The following SPECC1 variants were observed in gnomAD, a reference collection of about 807,000 sequenced individuals.
SPECC1 encodes the protein sperm antigen with calponin homology and coiled-coil domains 1.
SPECC1 carries 62 observed loss-of-function variants against 104.1 expected under a neutral mutation model. The observed-to-expected ratio is 0.60, with a 90% CI of 0.49 to 0.74. The LOEUF (loss-of-function observed/expected upper bound fraction) is 0.74. Among genes scored for constraint, SPECC1 ranks in the 30% least tolerant of loss-of-function variants. The pLI, the probability that SPECC1 is intolerant of heterozygous loss-of-function variation, is 0.00. For synonymous variants in SPECC1, 513 were observed against 501.6 expected, an observed-to-expected ratio of 1.02 and a Z score of -0.30; for missense variants, 1,306 against 1,310.5, an observed-to-expected ratio of 1.00 and a Z score of 0.05.
intron 3 of SPECC1, among the ~76,000 whole-genome samples, chr17:20,147,385 T>TA (rs1451664481): frequency 3.3e-5 from 5 of 152,012 alleles, no homozygotes; most frequent in Non-Finnish European, 7.4e-5. Flanking sequence ...GATCATGATT[T>TA]AAAAAAAATA....
intron 1 of SPECC1, among the ~76,000 whole-genome samples, chr17:20,049,012 C>T (rs184931504): frequency 6.6e-6 from 1 of 152,202 alleles, no homozygotes; most frequent in African/African-American, 2.4e-5. Flanking sequence ...AGAAGATTAT[C>T]TTCTGCCCCT....
At chr17:20,305,298 T>C (rs1356757815) in intron 13 of SPECC1, among the ~76,000 whole-genome samples, 2 of 152,048 alleles carry the variant, frequency 1.3e-5, no homozygotes, top group East Asian at 3.9e-4. Flanking sequence ...AAAGGGTAAT[T>C]TACTCCTGAC....
At chr17:20,043,353 C>G (rs376000004) in intron 1 of SPECC1, among the ~76,000 whole-genome samples, 3 of 152,144 alleles carry the variant, frequency 2.0e-5, no homozygotes, top group African/African-American at 7.2e-5. Flanking sequence ...GCCTTTTACT[C>G]AGTGGTTTTA....
At chr17:20,066,646 A>C (rs1389872745) in intron 1 of SPECC1, among the ~76,000 whole-genome samples, 1 of 152,246 alleles carries the variant, frequency 6.6e-6, no homozygotes, top group African/African-American at 2.4e-5. Flanking sequence ...CGAATAAGAA[A>C]GCTTTCCTCA....
At chr17:20,296,934 G>T in intron 12 of SPECC1, 27 bp from the exon 13 acceptor site, 1 of 1,606,126 alleles carries the variant, frequency 6.2e-7, no homozygotes, top group Non-Finnish European at 8.5e-7. Flanking sequence ...AATAGTTCTT[G>T]TTTATTACTA....
rs1387736880 is a variant in SPECC1, at chr17:20,315,535, G to A, written c.*1470G>A. On this transcript the variant is annotated 3_prime_UTR_variant, in exon 15 of 15. Coordinates refer to ENST00000395527, the MANE Select transcript of SPECC1 (RefSeq NM_001243439.2). ...CTTGCTGTTTTAAGTGCCAAATAGC[G>A]TGTTAGCGCCCCTCCAACAAAGGAT... The A allele has an allele frequency of 1.7e-5, 4 of 232,752 alleles. No individual in the cohort carries two copies. Among genetic ancestry groups the A allele is most frequent in the Non-Finnish European group, 3.4e-5 (4 of 117,860 alleles). 14.4% of individuals were successfully genotyped at this position (232,752 alleles called of 1,614,324 possible). A position where few individuals can be genotyped will look rare whatever the true frequency, so the allele number is the denominator to read the frequency against.
intron 3 of SPECC1, among the ~76,000 whole-genome samples, chr17:20,181,314 T>C (rs1597900731): frequency 1.3e-5 from 2 of 151,542 alleles, no homozygotes; most frequent in Non-Finnish European, 2.9e-5. Flanking sequence ...ATGAATGAAA[T>C]AGAAAATAAA....
At chr17:20,301,977 G>C (rs1178194030) in intron 13 of SPECC1, among the ~76,000 whole-genome samples, 1 of 151,688 alleles carries the variant, frequency 6.6e-6, no homozygotes, top group African/African-American at 2.4e-5. Flanking sequence ...ATAGTTCTGG[G>C]ATTACAGTGG....
intron 12 of SPECC1, among the ~76,000 whole-genome samples, chr17:20,288,950 A>G (rs2041060486): frequency 6.6e-6 from 1 of 151,610 alleles, no homozygotes; most frequent in South Asian, 2.1e-4. Flanking sequence ...GTGCCCGGCT[A>G]ATTTTTGTAT....
intron 3 of SPECC1, among the ~76,000 whole-genome samples, chr17:20,193,775 A>G (rs2035824448): frequency 6.6e-6 from 1 of 152,244 alleles, no homozygotes; most frequent in Admixed American, 6.5e-5. Context: ...AAGACTTTCC[A>G]TGAACTGGGC....
chr17:20,269,860 C>T (rs2040341642), intron 12 of SPECC1, among the ~76,000 whole-genome samples: 1 of 152,176 alleles, frequency 6.6e-6, no homozygotes, highest in Admixed American at 6.5e-5. Context: ...ATAGCCGTGG[C>T]CATGACTCCA....
chr17:20,293,565 A>T (rs542557382), intron 12 of SPECC1, among the ~76,000 whole-genome samples: 2 of 152,340 alleles, frequency 1.3e-5, no homozygotes, highest in East Asian at 3.9e-4. Flanking sequence ...CACCCACCAC[A>T]GCTTTCCAAC....
At chr17:20,227,880 A>G (rs2526477) in intron 5 of SPECC1, among the ~76,000 whole-genome samples, 66,639 of 151,990 alleles carry the variant, frequency 0.44, 15,173 homozygotes, top group East Asian at 0.8. Context: ...GCGCCACTGC[A>G]AAAGAAAGCA....
At chr17:20,101,176 T>C (rs1262553799) in intron 2 of SPECC1, among the ~76,000 whole-genome samples, 2 of 152,242 alleles carry the variant, frequency 1.3e-5, no homozygotes, top group African/African-American at 4.8e-5. Flanking sequence ...GTTGGGTATA[T>C]ACCCAATAAT....
In SPECC1 at chr17:20,114,314, C is replaced by G. The variant is rs2048644194; in HGVS notation, c.283+3752C>G. Among the ~76,000 whole-genome samples, 3 of 152,100 alleles carry G rather than the reference C, an allele frequency of 2.0e-5. No individual in the cohort carries two copies. The South Asian group carries it at 6.2e-4, about 32-fold the overall frequency. ...TCAAGCGATTCTCCTGCCTCAGCCT[C>G]TCGAGTAGCTGGGACTACAGGTGCA... On this transcript the variant is annotated intron_variant, in intron 3 of 14. Transcript: ENST00000395527.
chr17:20,126,765 T>C (rs1455424668), intron 3 of SPECC1, among the ~76,000 whole-genome samples: 1 of 152,252 alleles, frequency 6.6e-6, no homozygotes, highest in East Asian at 1.9e-4. Flanking sequence ...TGGGTGATTT[T>C]GGTGTTTTCT....
chr17:20,269,316 T>G (rs2040321006), intron 12 of SPECC1, among the ~76,000 whole-genome samples: 1 of 152,224 alleles, frequency 6.6e-6, no homozygotes, highest in Non-Finnish European at 1.5e-5. Context: ...AAACTGTTTG[T>G]GCAAACACAT....
intron 14 of SPECC1, among the ~76,000 whole-genome samples, chr17:20,309,952 G>A (rs2041883879): frequency 6.6e-6 from 1 of 151,516 alleles, no homozygotes; most frequent in Non-Finnish European, 1.5e-5. Context: ...TGAGTAGCTG[G>A]GATTATAGGC....
chr17:20,290,951 T>G (rs1383361919), intron 12 of SPECC1, among the ~76,000 whole-genome samples: 1 of 152,212 alleles, frequency 6.6e-6, no homozygotes, highest in African/African-American at 2.4e-5. Flanking sequence ...CTGTTTTGTA[T>G]CAGAAATGAT....
Sources: allele counts gnomAD v4.1 joint callset (sites outside exome capture counted in the v4.1 genomes callset), GRCh38; gene constraint gnomAD v4.1.1; transcripts MANE v1.5; gene names NCBI Gene and HGNC (gene_info 2026-07-23, HGNC 2026-07-21).